The following CHTF8 variants were observed in gnomAD, a reference collection of about 807,000 sequenced individuals.
The protein encoded by CHTF8 is chromosome transmission fidelity factor 8.
A neutral mutation model predicts 11.0 loss-of-function variants in CHTF8; 6 were observed. The observed-to-expected ratio is 0.55, with a 90% CI of 0.30 to 1.08. CHTF8 has a LOEUF of 1.08. Among genes scored for constraint, CHTF8 ranks in the 50% least tolerant of loss-of-function variants. CHTF8 has a pLI of 0.07. For synonymous variants in CHTF8, 53 were observed against 60.5 expected, an observed-to-expected ratio of 0.88 and a Z score of 0.57; for missense variants, 140 against 153.1, an observed-to-expected ratio of 0.91 and a Z score of 0.45.
Position 69,119,614 on chromosome 16 carries a change from C to A in CHTF8, c.*811G>T. On this transcript the variant is annotated 3_prime_UTR_variant, in exon 4 of 4. Transcript: ENST00000448552. ...TCTTAGAATGGGGGCAAGATCGAGG[C>A]CTTGAGGTCCAGCCATTCTTAAGTT... 2.9e-6 allele frequency: 2 copies of A among 694,042 alleles called. No homozygotes were observed. Among genetic ancestry groups the A allele is most frequent in the Non-Finnish European group, 2.6e-6 (1 of 379,906 alleles). The allele number at this position is 694,042 out of a possible 1,614,324, so 43.0% of individuals were successfully genotyped here. A position where few individuals can be genotyped will look rare whatever the true frequency, so the allele number is the denominator to read the frequency against.
At chr16:69,130,832 A>C (rs542918866) in intron 1 of CHTF8, among the ~76,000 whole-genome samples, 1 of 152,390 alleles carries the variant, frequency 6.6e-6, no homozygotes, top group South Asian at 2.1e-4. Context: ...GCAGCAGGTC[A>C]TCAGAATAAA....
rs759641278 is a variant in CHTF8 at position 69,118,401 on chromosome 16, C to G, written c.*2024G>C. ...GTAGAGGATGACCAGGTCCAAGCTG[C>G]CCAGGTCAGAGCTACGGAAGCATGG... On this transcript the variant is annotated 3_prime_UTR_variant, in exon 4 of 4. Coordinates refer to ENST00000448552, the MANE Select transcript of CHTF8 (RefSeq NM_001039690.5). 2.3e-5 allele frequency: 37 copies of G among 1,613,038 alleles called. 1 individual carries two copies. In the South Asian group the frequency reaches 3.7e-4, roughly 16 times the overall value.
intron 1 of CHTF8, among the ~76,000 whole-genome samples, chr16:69,122,602 A>G (rs1305278271): frequency 6.8e-6 from 1 of 147,742 alleles, no homozygotes; most frequent in African/African-American, 2.5e-5. Flanking sequence ...GTGCAGTGGC[A>G]TGATCTCAGG....
intron 1 of CHTF8, among the ~76,000 whole-genome samples, chr16:69,129,112 A>G (rs1312215613): frequency 2.0e-5 from 3 of 151,396 alleles, no homozygotes; most frequent in Non-Finnish European, 2.9e-5. Context: ...GGCAAATCAA[A>G]GCACCACCAT....
chr16:69,118,719 AG>A lies in CHTF8; in HGVS notation c.*1705del. On this transcript the variant is annotated 3_prime_UTR_variant, in exon 4 of 4. Transcript: ENST00000448552. ...CAGTCAAGAAAAACGCAAAGGAAAAAGATGGCTCATTTGAACTTGAGCCCAA... is the reference window on the plus strand; with the variant it reads ...CAGTCAAGAAAAACGCAAAGGAAAAAATGGCTCATTTGAACTTGAGCCCAA... 1.5e-6 allele frequency: 1 copy of A among 645,714 alleles called. No homozygotes were observed. The allele number at this position is 645,714 out of a possible 1,614,324, so 40.0% of individuals were successfully genotyped here.
chr16:69,124,222 T>C (rs1380159577), intron 1 of CHTF8, among the ~76,000 whole-genome samples: 1 of 152,208 alleles, frequency 6.6e-6, no homozygotes, highest in African/African-American at 2.4e-5. Flanking sequence ...GACAATTGGC[T>C]TCACTTTCTG....
In CHTF8 at chr16:69,120,317, G is replaced by C. The variant is rs1961544607; in HGVS notation, c.*108C>G. The C allele has an allele frequency of 1.8e-6, 2 of 1,097,084 alleles. No individual in the cohort carries two copies. The highest frequency in any genetic ancestry group is 2.8e-6 in the Non-Finnish European group (2 of 721,664). 68.0% of individuals were successfully genotyped at this position (1,097,084 alleles called of 1,614,324 possible). A position where few individuals can be genotyped will look rare whatever the true frequency, so the allele number is the denominator to read the frequency against. On this transcript the variant is annotated 3_prime_UTR_variant, in exon 4 of 4. Coordinates refer to ENST00000448552, the MANE Select transcript of CHTF8 (RefSeq NM_001039690.5). The surrounding 1 kb of genome is among the most constrained non-coding windows in gnomAD (Gnocchi z 4.0). ...ACACCCAGTGGGTGGCCTGTGTTCA[G>C]AACAGGACCCCCCTGTGGTCCCAGG...
At position 69,120,115 on chromosome 16, in the gene CHTF8, G is replaced by A. The variant is rs1192371081; in HGVS notation, c.*310C>T. On this transcript the variant is annotated 3_prime_UTR_variant, in exon 4 of 4. Transcript: ENST00000448552. The surrounding 1 kb of genome is among the most constrained non-coding windows in gnomAD (Gnocchi z 4.0). ...TGGGAAAGAAACTGCACCTGTGCCA[G>A]TGGGATTCATCCCTCTTGGAAAAGA... 2.9e-6 allele frequency: 2 copies of A among 700,986 alleles called. No homozygotes were observed. Among genetic ancestry groups the A allele is most frequent in the Admixed American group, 2.0e-5 (1 of 49,824 alleles). 43.4% of individuals were successfully genotyped at this position (700,986 alleles called of 1,614,324 possible).
chr16:69,128,340 T>C (rs1962238926), intron 1 of CHTF8, among the ~76,000 whole-genome samples: 1 of 152,164 alleles, frequency 6.6e-6, no homozygotes, highest in Non-Finnish European at 1.5e-5. Flanking sequence ...TGATGTAGCT[T>C]TTCAAAAAGA....
Position 69,119,128 on chromosome 16 carries a change from A to G in CHTF8, c.*1297T>C, listed in dbSNP as rs758079161. The G allele has an allele frequency of 1.8e-5, 13 of 703,056 alleles. No homozygotes were observed. Among genetic ancestry groups the G allele is most frequent in the South Asian group, 1.5e-4 (10 of 67,574 alleles). The allele number at this position is 703,056 out of a possible 1,614,324, so 43.6% of individuals were successfully genotyped here. A position where few individuals can be genotyped will look rare whatever the true frequency, so the allele number is the denominator to read the frequency against. On this transcript the variant is annotated 3_prime_UTR_variant, in exon 4 of 4. Coordinates refer to ENST00000448552, the MANE Select transcript of CHTF8 (RefSeq NM_001039690.5). ...GGGGAAAGTAACTTGACCAGGGCCT[A>G]ATGGGCCAGTAGACCTTGGGAAGGT...
intron 1 of CHTF8, chr16:69,132,165 T>G (rs1403866489): frequency 7.0e-6 from 1 of 143,112 alleles, no homozygotes; most frequent in African/African-American, 2.7e-5. Context: ...CTTCTCCCGC[T>G]CCGCCCCGCT....
At position 69,118,673 on chromosome 16, in the gene CHTF8, C is replaced by A. The variant is rs1348823786; in HGVS notation, c.*1752G>T. 4 of 678,650 alleles carry A rather than the reference C, an allele frequency of 5.9e-6. No individual in the cohort carries two copies. Among genetic ancestry groups the A allele is most frequent in the African/African-American group, 5.3e-5 (3 of 56,076 alleles). 42.0% of individuals were successfully genotyped at this position (678,650 alleles called of 1,614,324 possible). On this transcript the variant is annotated 3_prime_UTR_variant, in exon 4 of 4. Coordinates refer to ENST00000448552, the MANE Select transcript of CHTF8 (RefSeq NM_001039690.5). ...ATTCCCACCTGCCACAGTTCACATG[C>A]CACAAATAACATCTCACCTTCAGTC... is the stretch of plus-strand genomic sequence containing the variant.
Position 69,124,760 on chromosome 16 carries a change from C to CA in CHTF8, c.-35-3268dup, listed in dbSNP as rs1468342316. Among the ~76,000 whole-genome samples the CA allele has an allele frequency of 4.7e-4, 72 of 152,124 alleles. 1 individual carries two copies. The highest frequency in any genetic ancestry group is 1.6e-3 in the African/African-American group (67 of 41,424). ...CAGGGATCCTCCCACATCAGCCTCC[C>CA]AAAGTGGTGGGATTACAGGCGTGAG... On this transcript the variant is annotated intron_variant, in intron 1 of 3. Coordinates refer to ENST00000448552, the MANE Select transcript of CHTF8 (RefSeq NM_001039690.5).
rs1961453100 is a variant in CHTF8 at position 69,119,512 on chromosome 16, A to G, written c.*913T>C. 1.4e-6 allele frequency: 1 copy of G among 702,802 alleles called. No individual in the cohort carries two copies. Among genetic ancestry groups the G allele is most frequent in the Non-Finnish European group, 2.6e-6 (1 of 384,946 alleles). The allele number at this position is 702,802 out of a possible 1,614,324, so 43.5% of individuals were successfully genotyped here. On this transcript the variant is annotated 3_prime_UTR_variant, in exon 4 of 4. Transcript: ENST00000448552. ...GCCCATGGGGCCAGGTACTCTTGCCATGGAGGATGGGCTTGTGCCCATGTT... is the reference window on the plus strand; with the variant it reads ...GCCCATGGGGCCAGGTACTCTTGCCGTGGAGGATGGGCTTGTGCCCATGTT...
chr16:69,120,401 C>T lies in CHTF8; in HGVS notation c.*24G>A, dbSNP rs764571079. ...GCACGAGTCCAAGGAGTTGGCCGCT[C>T]TCTAGGGAAAATCCGAGGTTCTTTC... On this transcript the variant is annotated 3_prime_UTR_variant, in exon 4 of 4. Coordinates refer to ENST00000448552, the MANE Select transcript of CHTF8 (RefSeq NM_001039690.5). This position sits in a 1 kb window ranked among gnomAD's most constrained non-coding sequence, Gnocchi z 4.0. 13 of 1,612,784 alleles carry T rather than the reference C, an allele frequency of 8.1e-6. No individual in the cohort carries two copies. The highest frequency in any genetic ancestry group is 1.1e-5 in the Non-Finnish European group (13 of 1,178,882).
intron 1 of CHTF8, among the ~76,000 whole-genome samples, chr16:69,123,428 C>T (rs987575746): frequency 1.3e-5 from 2 of 152,042 alleles, no homozygotes; most frequent in South Asian, 2.1e-4. Flanking sequence ...GAGGCTGAGG[C>T]GGTGGGTCAC....
chr16:69,124,097 C>G (rs578029767), intron 1 of CHTF8, among the ~76,000 whole-genome samples: 2 of 151,234 alleles, frequency 1.3e-5, no homozygotes, highest in Non-Finnish European at 2.9e-5. Context: ...GAGCAAGACT[C>G]TGTCTCAAAG....
chr16:69,130,034 G>C (rs1036241853), intron 1 of CHTF8, among the ~76,000 whole-genome samples: 1 of 152,206 alleles, frequency 6.6e-6, no homozygotes, highest in African/African-American at 2.4e-5. Context: ...TCTTTGTCAA[G>C]TATTCATTTT....
Position 69,119,874 on chromosome 16 carries a change from C to T in CHTF8, c.*551G>A. The T allele has an allele frequency of 1.4e-6, 1 of 701,612 alleles. No individual in the cohort carries two copies. Among genetic ancestry groups the T allele is most frequent in the Non-Finnish European group, 2.6e-6 (1 of 384,960 alleles). The allele number at this position is 701,612 out of a possible 1,614,324, so 43.5% of individuals were successfully genotyped here. On this transcript the variant is annotated 3_prime_UTR_variant, in exon 4 of 4. Transcript: ENST00000448552. ...CAGAGGTTAACAGAACACCGGCTCTCAGGTTAGGTCCAGATCCAGGGCCCA... is the reference window on the plus strand; with the variant it reads ...CAGAGGTTAACAGAACACCGGCTCTTAGGTTAGGTCCAGATCCAGGGCCCA...
Sources: gnomAD v4.1 joint callset for allele counts (sites outside exome capture counted in the v4.1 genomes callset) on GRCh38, gnomAD v4.1.1 for gene constraint, Gnocchi (gnomAD v3.1) non-coding constraint, MANE v1.5 for transcripts, NCBI Gene and HGNC (gene_info 2026-07-23, HGNC 2026-07-21) for gene names.